Variants in FREM1 observed in about 807,000 individuals in gnomAD.
FREM1 encodes FRAS1 related extracellular matrix 1.
In FREM1, 220 loss-of-function variants were observed where a neutral mutation model predicts 210.1. The ratio of observed to expected loss-of-function variants is 1.05; its 90% CI spans 0.94 to 1.17. The LOEUF is 1.17. FREM1 is among the 50% of genes most tolerant of loss of function. The probability of loss-of-function intolerance (pLI) is 0.00; values close to 1 mark genes in which losing one functional copy is unlikely to be tolerated. For missense variants in FREM1, 3,454 were observed against 2,675.5 expected (o/e 1.29, Z -6.42); for synonymous variants, 1,189 against 980.2 (o/e 1.21, Z -3.98).
chr9:14,748,093 G>A (rs1204369394), intron 31 of FREM1, among the ~76,000 whole-genome samples: 15 of 152,084 alleles, frequency 9.9e-5, no homozygotes, highest in African/African-American at 1.4e-4. Flanking sequence ...ACACCCAATC[G>A]CATCATTTCA....
intron 27 of FREM1, among the ~76,000 whole-genome samples, chr9:14,761,317 G>A (rs928616860): frequency 6.6e-6 from 1 of 152,156 alleles, no homozygotes; most frequent in Admixed American, 6.5e-5. Flanking sequence ...CAAGGGTAGG[G>A]TAAGAGCATG....
intron 32 of FREM1, 22 bp from the exon 33 acceptor site, chr9:14,747,450 C>T (rs1309205359): frequency 6.3e-7 from 1 of 1,598,928 alleles, no homozygotes; most frequent in Non-Finnish European, 8.5e-7. Flanking sequence ...CAACAATCAA[C>T]AACAATAAGG....
chr9:14,771,208 C>T (rs1376597396), intron 25 of FREM1, among the ~76,000 whole-genome samples: 1 of 152,126 alleles, frequency 6.6e-6, no homozygotes, highest in Admixed American at 6.6e-5. Flanking sequence ...CTAGAGCAGA[C>T]TTCATGTTAA....
chr9:14,841,864 C>A (rs1031595688), intron 9 of FREM1, among the ~76,000 whole-genome samples: 4 of 152,136 alleles, frequency 2.6e-5, no homozygotes, highest in African/African-American at 9.7e-5. Context: ...TTCAAATATA[C>A]AAAGTAACAC....
intron 5 of FREM1, among the ~76,000 whole-genome samples, chr9:14,852,351 G>T (rs760166597): frequency 6.6e-6 from 1 of 152,114 alleles, no homozygotes; most frequent in African/African-American, 2.4e-5. Flanking sequence ...CCATGAAATT[G>T]TGCCACAAGA....
chr9:14,738,914 G>A (rs914457802), intron 36 of FREM1, among the ~76,000 whole-genome samples: 1 of 149,192 alleles, frequency 6.7e-6, no homozygotes, highest in African/African-American at 2.5e-5. Context: ...GGTGGCTGAG[G>A]GAGGAGAATT....
chr9:14,888,325 C>A (rs1836180995), intron 1 of FREM1, among the ~76,000 whole-genome samples: 1 of 152,126 alleles, frequency 6.6e-6, no homozygotes, highest in East Asian at 1.9e-4. Flanking sequence ...TGCCCTTAAC[C>A]ACTACTGTTA....
chr9:14,748,672 C>A, intron 30 of FREM1, 33 bp from the exon 31 acceptor site: 1 of 1,364,178 alleles, frequency 7.3e-7, no homozygotes, highest in Non-Finnish European at 1.0e-6. Flanking sequence ...GCGGTCAGTT[C>A]ATTTTACACA....
chr9:14,776,249 A>G, intron 24 of FREM1, 46 bp from the exon 25 acceptor site: 1 of 1,498,804 alleles, frequency 6.7e-7, no homozygotes, highest in Non-Finnish European at 8.9e-7. Context: ...TTCTTGTGTC[A>G]CCATCTACTG....
At chr9:14,824,410 G>A (rs2100104049) in intron 11 of FREM1, among the ~76,000 whole-genome samples, 3 of 152,126 alleles carry the variant, frequency 2.0e-5, no homozygotes, top group African/African-American at 4.8e-5. Context: ...CTAGCATAAC[G>A]TATATTCATG....
chr9:14,843,758 A>C (rs1347243437), intron 8 of FREM1, among the ~76,000 whole-genome samples: 2 of 151,232 alleles, frequency 1.3e-5, no homozygotes, highest in Non-Finnish European at 2.9e-5. Flanking sequence ...GGAAAGTTTT[A>C]GAAATGCAAA....
At chr9:14,802,742 T>A (rs938292749) in intron 19 of FREM1, among the ~76,000 whole-genome samples, 3 of 152,228 alleles carry the variant, frequency 2.0e-5, no homozygotes, top group African/African-American at 7.2e-5. Context: ...ATTCTACACA[T>A]GCATATTGGT....
chr9:14,869,022 T>A lies in FREM1; in HGVS notation c.-45A>T. 1 of 1,371,820 alleles carries A rather than the reference T, an allele frequency of 7.3e-7. No homozygotes were observed. Among genetic ancestry groups the A allele is most frequent in the Non-Finnish European group, 9.9e-7 (1 of 1,012,854 alleles). The allele number at this position is 1,371,820 out of a possible 1,614,324, so 85.0% of individuals were successfully genotyped here. A position where few individuals can be genotyped will look rare whatever the true frequency, so the allele number is the denominator to read the frequency against. ...TCTCTGTCCACCGGCGAAATCCCTT[T>A]AACAAAGGAGGGCTTCTGTGCTTCC... On this transcript the variant is annotated 5_prime_UTR_variant, in exon 2 of 37. Transcript: ENST00000380880.
At chr9:14,780,831 C>T (rs1849545104) in intron 24 of FREM1, among the ~76,000 whole-genome samples, 1 of 152,124 alleles carries the variant, frequency 6.6e-6, no homozygotes, top group African/African-American at 2.4e-5. Context: ...TAAAAAGCAC[C>T]ATGATCACAC....
At chr9:14,844,744 T>C (rs1826286689) in intron 8 of FREM1, among the ~76,000 whole-genome samples, 1 of 152,236 alleles carries the variant, frequency 6.6e-6, no homozygotes, top group Non-Finnish European at 1.5e-5. Flanking sequence ...AGGAGTTGTA[T>C]GTGACATAGT....
intron 1 of FREM1, among the ~76,000 whole-genome samples, chr9:14,896,599 T>C (rs575647083): frequency 1.0e-4 from 15 of 144,278 alleles, no homozygotes; most frequent in Non-Finnish European, 2.1e-4. Context: ...GTTTAGCATA[T>C]AACTAAGAAA....
chr9:14,857,033 A>C (rs1828886891), intron 5 of FREM1, among the ~76,000 whole-genome samples: 1 of 152,158 alleles, frequency 6.6e-6, no homozygotes, highest in Admixed American at 6.6e-5. Context: ...AGAGATTGGA[A>C]GACGCAGGAG....
chr9:14,740,547 A>C (rs1018413191), intron 35 of FREM1, among the ~76,000 whole-genome samples: 2 of 152,192 alleles, frequency 1.3e-5, no homozygotes, highest in African/African-American at 2.4e-5. Context: ...TATAACAATT[A>C]CTTATTTAAT....
chr9:14,795,168 A>G (rs1000465445), intron 21 of FREM1, among the ~76,000 whole-genome samples: 1 of 152,200 alleles, frequency 6.6e-6, no homozygotes, highest in African/African-American at 2.4e-5. Flanking sequence ...AATAATAACA[A>G]TAACACTTAG....
Sources: allele counts gnomAD v4.1 joint callset (sites outside exome capture counted in the v4.1 genomes callset), GRCh38; gene constraint gnomAD v4.1.1; transcripts MANE v1.5; gene names NCBI Gene and HGNC (gene_info 2026-07-23, HGNC 2026-07-21).